The following IL34 variants were observed in gnomAD, a reference collection of about 807,000 sequenced individuals.
IL34 encodes the protein interleukin-34.
In IL34, 17 loss-of-function variants were observed where a neutral mutation model predicts 25.3. The ratio of observed to expected loss-of-function variants is 0.67; its 90% confidence interval spans 0.46 to 1.01. The LOEUF (loss-of-function observed/expected upper bound fraction) is 1.01, where lower values mean the gene tolerates loss of function less well. IL34 is among the 50% of genes least tolerant of loss of function. The probability of loss-of-function intolerance (pLI) is 0.00; values close to 1 mark genes in which losing one functional copy is unlikely to be tolerated. For missense variants in IL34, 368 were observed against 312.9 expected, an observed-to-expected ratio of 1.18 and a Z score of -1.33; for synonymous variants, 174 against 140.9, an observed-to-expected ratio of 1.23 and a Z score of -1.66.
chr16:70,601,911 A>G (rs957880516), intron 1 of IL34, among the ~76,000 whole-genome samples: 3 of 152,236 alleles, frequency 2.0e-5, no homozygotes, highest in Admixed American at 2.0e-4. Context: ...CCAGACAGAG[A>G]GGGCTTCAGG....
chr16:70,626,475 C>T (rs1428488002), intron 1 of IL34, among the ~76,000 whole-genome samples: 1 of 152,082 alleles, frequency 6.6e-6, no homozygotes, highest in Non-Finnish European at 1.5e-5. Context: ...TGGCTCACTG[C>T]AACCTCTGCC....
Position 70,621,470 on chromosome 16 carries a change from T to A in IL34, c.-400-25078T>A, listed in dbSNP as rs534325742. On this transcript the variant is annotated intron_variant, in intron 1 of 6. Coordinates refer to the IL34 transcript ENST00000429149. ...AGTAAGAAGGGGCCGCTTACCTGAT[T>A]TAAAATTGGTGATATTCCTTGGGCT... Among the ~76,000 whole-genome samples the A allele has an allele frequency of 5.2e-5, 6 of 114,546 alleles. No individual in the cohort carries two copies. In the South Asian group the frequency reaches 1.8e-3, roughly 34 times the overall value. The allele number at this position is 114,546 out of a possible 152,430, so 75.1% of individuals were successfully genotyped here. A position where few individuals can be genotyped will look rare whatever the true frequency, so the allele number is the denominator to read the frequency against.
chr16:70,627,107 C>G (rs1266921232), intron 1 of IL34, among the ~76,000 whole-genome samples: 2 of 152,096 alleles, frequency 1.3e-5, no homozygotes, highest in Non-Finnish European at 2.9e-5. Flanking sequence ...GGATTACAGG[C>G]CTGAGCCACT....
chr16:70,631,739 G>A (rs1318415121), intron 1 of IL34, among the ~76,000 whole-genome samples: 1 of 152,142 alleles, frequency 6.6e-6, no homozygotes, highest in African/African-American at 2.4e-5. Flanking sequence ...CTAGAAGCAG[G>A]TATACACTGG....
chr16:70,654,639 A>G lies in IL34; in HGVS notation c.130A>G (p.Lys44Glu), dbSNP rs1374967282. 6.2e-7 allele frequency: 1 copy of G among 1,612,892 alleles called. No individual in the cohort carries two copies. The highest frequency in any genetic ancestry group is 1.3e-5 in the African/African-American group (1 of 74,914). ...ECTVTGFLRD[K>E]LQYRSRLQYM... ...CACTGTCACGGGTTTTCTGCGGGACAAGCTGCAGTACAGGAGCCGACTTCA... is the reference window on the plus strand; with the variant it reads ...CACTGTCACGGGTTTTCTGCGGGACGAGCTGCAGTACAGGAGCCGACTTCA... The change falls in exon 2 of 6, where the codon AAG becomes GAG. Residue 44 changes from lysine (K) to glutamate (E), a missense_variant. Coordinates refer to ENST00000288098, the MANE Select transcript of IL34 (RefSeq NM_001393494.1).
rs2051108100 is a variant in IL34 at position 70,612,675 on chromosome 16, G to C, written c.-401+32626G>C. Among the ~76,000 whole-genome samples the C allele has an allele frequency of 2.0e-5, 3 of 152,208 alleles. No individual in the cohort carries two copies. The South Asian group carries it at 6.2e-4, about 31-fold the overall frequency. On this transcript the variant is annotated intron_variant, in intron 1 of 6. Coordinates refer to the IL34 transcript ENST00000429149. ...CTTTTTGACAGGTATAAAGTGAGTT[G>C]GAAAAACGCACACAGTGTAAATCTG... is the stretch of plus-strand genomic sequence containing the variant.
At chr16:70,605,569 C>A (rs1162548832) in intron 1 of IL34, among the ~76,000 whole-genome samples, 7 of 152,094 alleles carry the variant, frequency 4.6e-5, no homozygotes, top group Non-Finnish European at 8.8e-5. Flanking sequence ...TATGAATTAG[C>A]CTTTTCTAGA....
intron 1 of IL34, among the ~76,000 whole-genome samples, chr16:70,641,525 C>T (rs1279556010): frequency 7.0e-6 from 1 of 143,300 alleles, no homozygotes; most frequent in Admixed American, 6.9e-5. Flanking sequence ...CCCTCCCTTC[C>T]TCCCTCCCTC....
At chr16:70,599,351 T>TTCTCTCTTTCTC (rs2050880159) in intron 1 of IL34, among the ~76,000 whole-genome samples, 1 of 151,176 alleles carries the variant, frequency 6.6e-6, no homozygotes, top group Non-Finnish European at 1.5e-5. Flanking sequence ...CTCTCTTTCT[T>TTCTCTCTTTCTC]TCTCTCTTTC....
At position 70,617,455 on chromosome 16, in the gene IL34, A is replaced by G. The variant is rs201765165; in HGVS notation, c.-400-29093A>G. On this transcript the variant is annotated intron_variant, in intron 1 of 6. Coordinates refer to the IL34 transcript ENST00000429149. ...GTTGAGAACGGAGAATAGGAGTATG[A>G]CTAGACAGAAGATAGTAGGGATGAC... Among the ~76,000 whole-genome samples the G allele has an allele frequency of 7.0e-4, 106 of 152,308 alleles. 2 individuals are homozygous for G. In the East Asian group the frequency reaches 0.019, roughly 27 times the overall value.
chr16:70,601,206 C>A (rs984240234), intron 1 of IL34, among the ~76,000 whole-genome samples: 1 of 152,146 alleles, frequency 6.6e-6, no homozygotes, highest in South Asian at 2.1e-4. Context: ...CATTCCTCCT[C>A]TCCATTCTCC....
intron 1 of IL34, among the ~76,000 whole-genome samples, chr16:70,638,515 A>T (rs1597767314): frequency 2.0e-5 from 3 of 149,048 alleles, no homozygotes. Flanking sequence ...CTGCCTTCTG[A>T]CCCCCCCACT....
At chr16:70,635,372 GTT>G (rs990141400) in intron 1 of IL34, among the ~76,000 whole-genome samples, 5 of 152,220 alleles carry the variant, frequency 3.3e-5, no homozygotes, top group African/African-American at 9.6e-5. Context: ...TACCCTGCTA[GTT>G]TTTGCTTTGT....
intron 1 of IL34, among the ~76,000 whole-genome samples, chr16:70,625,532 T>A (rs1478240961): frequency 6.6e-6 from 1 of 151,964 alleles, no homozygotes; most frequent in Non-Finnish European, 1.5e-5. Flanking sequence ...TTGGGGAACT[T>A]GCCCCTCCCC....
At chr16:70,631,249 T>C (rs947604586) in intron 1 of IL34, among the ~76,000 whole-genome samples, 3 of 152,204 alleles carry the variant, frequency 2.0e-5, no homozygotes, top group Non-Finnish European at 4.4e-5. Context: ...CTGTGGACTG[T>C]TGTGGACATG....
chr16:70,623,509 C>T (rs1475522329), intron 1 of IL34, among the ~76,000 whole-genome samples: 3 of 151,982 alleles, frequency 2.0e-5, no homozygotes, highest in Non-Finnish European at 4.4e-5. Context: ...AGGCTTTAAT[C>T]CTTTCAAAGC....
At chr16:70,592,933 G>A (rs2050773525) in intron 1 of IL34, among the ~76,000 whole-genome samples, 1 of 152,142 alleles carries the variant, frequency 6.6e-6, no homozygotes, top group Non-Finnish European at 1.5e-5. Context: ...GATTACAGGC[G>A]TGAGCCACCG....
chr16:70,596,920 G>A (rs1484923826), intron 1 of IL34, among the ~76,000 whole-genome samples: 1 of 152,016 alleles, frequency 6.6e-6, no homozygotes, highest in Non-Finnish European at 1.5e-5. Context: ...ATGGGACTCT[G>A]AAGCCAGACC....
intron 1 of IL34, among the ~76,000 whole-genome samples, chr16:70,640,470 A>G (rs1419510213): frequency 1.3e-5 from 2 of 151,950 alleles, no homozygotes; most frequent in South Asian, 2.1e-4. Context: ...CTAAAAATAC[A>G]AAAGTTAGCC....
Sources: gnomAD v4.1 joint callset for allele counts (sites outside exome capture counted in the v4.1 genomes callset) on GRCh38, gnomAD v4.1.1 for gene constraint, MANE v1.5 for transcripts, NCBI Gene and HGNC (gene_info 2026-07-23, HGNC 2026-07-21) for gene names.